The following TAOK3 variants were observed in gnomAD, a reference collection of about 807,000 sequenced individuals.
TAOK3 encodes serine/threonine-protein kinase TAO3.
In TAOK3, 40 loss-of-function variants were observed where a neutral mutation model predicts 120.4. The ratio of observed to expected loss-of-function variants is 0.33; its 90% CI spans 0.26 to 0.43. The LOEUF is 0.43. Among genes scored for constraint, TAOK3 ranks in the 20% least tolerant of loss-of-function variants. TAOK3 has a pLI of 1.00. For synonymous variants in TAOK3, 355 were observed against 387.5 expected (o/e 0.92, Z 0.99); for missense variants, 821 against 1,112.1 (o/e 0.74, Z 3.72).
intron 19 of TAOK3, among the ~76,000 whole-genome samples, chr12:118,153,569 A>G (rs1014068658): frequency 6.6e-6 from 1 of 152,176 alleles, no homozygotes; most frequent in African/African-American, 2.4e-5. Context: ...AGCAGAGTAG[A>G]AGGTTTCGGA....
intron 2 of TAOK3, among the ~76,000 whole-genome samples, chr12:118,266,255 C>T (rs2041442253): frequency 6.6e-6 from 1 of 152,138 alleles, no homozygotes; most frequent in Admixed American, 6.5e-5. Context: ...GTGCAATGCA[C>T]GATCTCGGCT....
chr12:118,253,087 C>T (rs967383963), intron 3 of TAOK3, among the ~76,000 whole-genome samples: 2 of 152,122 alleles, frequency 1.3e-5, no homozygotes. Flanking sequence ...AAATATACTT[C>T]AGTGGGAGCC....
At position 118,161,032 on chromosome 12, in the gene TAOK3, G is replaced by A. The variant is rs1408534741; in HGVS notation, c.2140-674C>T. 2.0e-5 allele frequency among the ~76,000 whole-genome samples: 3 copies of A among 152,210 alleles called. No individual in the cohort carries two copies. The highest frequency in any genetic ancestry group is 1.5e-5 in the Non-Finnish European group (1 of 68,038). On this transcript the variant is annotated intron_variant, in intron 18 of 20. Transcript: ENST00000392533. This position sits in a 1 kb window ranked among gnomAD's most constrained non-coding sequence, Gnocchi z 4.5. Reference sequence around the variant, plus strand: ...AGAGTATATTATTTTGAGCCCAGAAGGCATTCCATCAGGTTGCCCCACAGT... The same window carrying A: ...AGAGTATATTATTTTGAGCCCAGAAAGCATTCCATCAGGTTGCCCCACAGT...
At chr12:118,315,185 A>G (rs1372821526) in intron 1 of TAOK3, among the ~76,000 whole-genome samples, 1 of 152,180 alleles carries the variant, frequency 6.6e-6, no homozygotes, top group Non-Finnish European at 1.5e-5. Flanking sequence ...TTGGACTCCC[A>G]AAGTGCTGGG....
At chr12:118,195,392 C>T (rs1421635859) in intron 13 of TAOK3, among the ~76,000 whole-genome samples, 6 of 152,150 alleles carry the variant, frequency 3.9e-5, no homozygotes, top group Admixed American at 2.0e-4. Context: ...GCTCTATACA[C>T]AATGATTTTA....
Position 118,160,176 on chromosome 12 carries a change from C to T in TAOK3, c.2322G>A (p.Gln774=). The part of the protein sequence containing the change: ...KLAILAEQYE[Q]SINEMMASQA... ...GAGAGGCCATCATTTCATTTATACT[C>T]TGTTCATACTGCTCTGCCAAAATGG... Residue 774 remains glutamine (Q), a synonymous_variant, in exon 19 of 21, where the codon CAG becomes CAA. Coordinates refer to ENST00000392533, the MANE Select transcript of TAOK3 (RefSeq NM_016281.4). The surrounding 1 kb of genome is among the most constrained non-coding windows in gnomAD (Gnocchi z 4.2). 1 of 1,614,208 alleles carries T rather than the reference C, an allele frequency of 6.2e-7. No individual in the cohort carries two copies. The highest frequency in any genetic ancestry group is 1.1e-5 in the South Asian group (1 of 91,086).
intron 3 of TAOK3, among the ~76,000 whole-genome samples, chr12:118,252,068 G>A (rs1353644410): frequency 6.6e-6 from 1 of 152,050 alleles, no homozygotes; most frequent in South Asian, 2.1e-4. Flanking sequence ...TGATCCACCC[G>A]CCTCGGCCTC....
At chr12:118,232,624 G>C (rs1234377791) in intron 9 of TAOK3, among the ~76,000 whole-genome samples, 1 of 152,100 alleles carries the variant, frequency 6.6e-6, no homozygotes, top group Non-Finnish European at 1.5e-5. Flanking sequence ...AATAACATGA[G>C]ACTGGGTGTG....
chr12:118,262,167 G>A (rs978795871), intron 2 of TAOK3, among the ~76,000 whole-genome samples: 1 of 151,150 alleles, frequency 6.6e-6, no homozygotes, highest in African/African-American at 2.4e-5. Flanking sequence ...GGCCTGAAAT[G>A]ATTATGTCTC....
chr12:118,289,777 C>T (rs1017662058), intron 1 of TAOK3, among the ~76,000 whole-genome samples: 1 of 152,062 alleles, frequency 6.6e-6, no homozygotes, highest in African/African-American at 2.4e-5. Flanking sequence ...GGCGAATCAC[C>T]TGAGGTCTGG....
chr12:118,258,795 C>T (rs2041103597), intron 2 of TAOK3, among the ~76,000 whole-genome samples: 2 of 151,288 alleles, frequency 1.3e-5, no homozygotes, highest in South Asian at 4.2e-4. Context: ...TGGATTAAAT[C>T]AAAGATATAC....
In TAOK3 at chr12:118,223,852, C is replaced by T. The variant is rs535206932; in HGVS notation, c.644-9742G>A. 4.5e-4 allele frequency among the ~76,000 whole-genome samples: 68 copies of T among 152,198 alleles called. 1 individual carries two copies. In the South Asian group the frequency reaches 0.014, roughly 31 times the overall value. On this transcript the variant is annotated intron_variant, in intron 9 of 20. Coordinates refer to ENST00000392533, the MANE Select transcript of TAOK3 (RefSeq NM_016281.4). ...ACAGGGTTTTGCCATGTTGGCCAGG[C>T]TGCTCTAGAACTCCTGACCTCAAGT... is the stretch of plus-strand genomic sequence containing the variant.
chr12:118,336,115 A>G (rs1478618052), intron 1 of TAOK3, among the ~76,000 whole-genome samples: 1 of 152,236 alleles, frequency 6.6e-6, no homozygotes, highest in African/African-American at 2.4e-5. Context: ...TTACATGGAC[A>G]GGCAAAAGAG....
intron 9 of TAOK3, among the ~76,000 whole-genome samples, chr12:118,227,981 G>C (rs1490292661): frequency 6.6e-6 from 1 of 151,954 alleles, no homozygotes; most frequent in African/African-American, 2.4e-5. Flanking sequence ...TATTATAACA[G>C]ACACCTATCA....
At chr12:118,368,159 C>G (rs779265477) in intron 1 of TAOK3, among the ~76,000 whole-genome samples, 1 of 152,186 alleles carries the variant, frequency 6.6e-6, no homozygotes, top group Non-Finnish European at 1.5e-5. Context: ...TGTAAGCCTT[C>G]ATACGGAACT....
chr12:118,309,113 G>A (rs1164881284), intron 1 of TAOK3, among the ~76,000 whole-genome samples: 1 of 151,936 alleles, frequency 6.6e-6, no homozygotes, highest in Non-Finnish European at 1.5e-5. Context: ...CGGGTCACCT[G>A]AGGTCAGGAG....
intron 1 of TAOK3, among the ~76,000 whole-genome samples, chr12:118,304,822 TAC>T (rs2042992508): frequency 6.6e-6 from 1 of 152,202 alleles, no homozygotes; most frequent in African/African-American, 2.4e-5. Flanking sequence ...ATTATAAAAT[TAC>T]AGTTATTCCC....
intron 15 of TAOK3, among the ~76,000 whole-genome samples, chr12:118,178,602 C>T (rs2036497905): frequency 6.6e-6 from 1 of 152,126 alleles, no homozygotes; most frequent in African/African-American, 2.4e-5. Flanking sequence ...GGATTACAGG[C>T]ACAAGCCACC....
chr12:118,300,583 GCA>G (rs1265366994), intron 1 of TAOK3, among the ~76,000 whole-genome samples: 2 of 151,812 alleles, frequency 1.3e-5, no homozygotes, highest in Admixed American at 1.3e-4. Context: ...ACACATGCAC[GCA>G]CACACACTCA....
Sources: allele counts gnomAD v4.1 joint callset (sites outside exome capture counted in the v4.1 genomes callset), GRCh38; gene constraint gnomAD v4.1.1; non-coding constraint Gnocchi (gnomAD v3.1); transcripts MANE v1.5; gene names NCBI Gene and HGNC (gene_info 2026-07-23, HGNC 2026-07-21).